MCF2L2: variants seen among roughly 807,000 people sequenced by gnomAD.
MCF2L2 encodes probable guanine nucleotide exchange factor MCF2L2.
In MCF2L2, 102 loss-of-function variants were observed where a neutral mutation model predicts 150.2. That is an observed-to-expected ratio of 0.68 (90% confidence interval 0.58 to 0.80). The LOEUF (loss-of-function observed/expected upper bound fraction) is 0.80, where lower values mean the gene tolerates loss of function less well. Ranked by LOEUF, MCF2L2 falls within the 30% of genes least tolerant of loss-of-function variation. The probability of loss-of-function intolerance (pLI) is 0.00; values close to 1 mark genes in which losing one functional copy is unlikely to be tolerated. For synonymous variants in MCF2L2, 465 were observed against 491.3 expected (o/e 0.95, Z 0.71); for missense variants, 1,256 against 1,372.8 (o/e 0.91, Z 1.34).
chr3:183,426,715 T>C (rs535007789), intron 1 of MCF2L2, among the ~76,000 whole-genome samples: 1 of 152,334 alleles, frequency 6.6e-6, no homozygotes, highest in South Asian at 2.1e-4. Context: ...TTTTTCCTCT[T>C]ATTTCACACT....
At chr3:183,206,244 A>G in intron 23 of MCF2L2, 30 bp from the exon 24 acceptor site, 1 of 1,488,882 alleles carries the variant, frequency 6.7e-7, no homozygotes, top group Middle Eastern at 1.7e-4. Context: ...GAAATGTTCT[A>G]TACCATCGTT....
chr3:183,383,481 C>G (rs941812959), intron 2 of MCF2L2, among the ~76,000 whole-genome samples: 8 of 152,066 alleles, frequency 5.3e-5, no homozygotes, highest in Admixed American at 4.6e-4. Context: ...GTGATCCGCC[C>G]ACCTCGGCCT....
chr3:183,335,099 C>G (rs9842803), intron 5 of MCF2L2, among the ~76,000 whole-genome samples: 4,515 of 143,140 alleles, frequency 0.032, 255 homozygotes, highest in African/African-American at 0.11. Context: ...GCCTGGGCAA[C>G]AGAGAGAGAC....
intron 3 of MCF2L2, among the ~76,000 whole-genome samples, chr3:183,364,352 TA>T (rs1192556559): frequency 2.0e-5 from 3 of 150,734 alleles, no homozygotes; most frequent in East Asian, 1.9e-4. Context: ...CCGTCGCTAC[TA>T]AAAATACAAA....
At chr3:183,408,960 G>T (rs1257683445) in intron 1 of MCF2L2, among the ~76,000 whole-genome samples, 1 of 152,208 alleles carries the variant, frequency 6.6e-6, no homozygotes, top group Non-Finnish European at 1.5e-5. Context: ...GATAATGGGA[G>T]GTTATAACTT....
At chr3:183,347,823 G>A (rs1211150992) in intron 3 of MCF2L2, among the ~76,000 whole-genome samples, 1 of 152,210 alleles carries the variant, frequency 6.6e-6, no homozygotes, top group Non-Finnish European at 1.5e-5. Context: ...CTGGTCATTA[G>A]ATAAATGCAA....
intron 9 of MCF2L2, 105 bp downstream of exon 9, chr3:183,310,810 G>T: frequency 1.4e-6 from 1 of 725,960 alleles, no homozygotes; most frequent in Non-Finnish European, 2.3e-6. Context: ...GGAGAAAGCT[G>T]GATTAGGGAA....
chr3:183,411,554 G>A (rs1188250167), intron 1 of MCF2L2, among the ~76,000 whole-genome samples: 1 of 151,054 alleles, frequency 6.6e-6, no homozygotes, highest in East Asian at 1.9e-4. Flanking sequence ...ATCTGGCAAA[G>A]ATTTTTAAAT....
intron 1 of MCF2L2, among the ~76,000 whole-genome samples, chr3:183,418,676 T>A (rs889332434): frequency 1.3e-5 from 2 of 152,172 alleles, no homozygotes; most frequent in Non-Finnish European, 2.9e-5. Context: ...AGGACAGTCA[T>A]TAAATATTAA....
rs1721509150 is a variant in MCF2L2, at chr3:183,181,261, G to A, written c.3017-1102C>T. 1.3e-5 allele frequency among the ~76,000 whole-genome samples: 2 copies of A among 152,122 alleles called. No homozygotes were observed. Among genetic ancestry groups the A allele is most frequent in the East Asian group, 1.9e-4 (1 of 5,152 alleles). On this transcript the variant is annotated intron_variant, in intron 27 of 29. Coordinates refer to ENST00000328913, the MANE Select transcript of MCF2L2 (RefSeq NM_015078.4). This position sits in a 1 kb window ranked among gnomAD's most constrained non-coding sequence, Gnocchi z 4.3. ...CTGCCCCAAGCCCCCAACAAGCCAC[G>A]TTCTGGGCCCCAGGCCCTCCCCAGA... is the stretch of plus-strand genomic sequence containing the variant.
At chr3:183,335,444 A>G (rs1239890084) in intron 5 of MCF2L2, among the ~76,000 whole-genome samples, 9 of 152,304 alleles carry the variant, frequency 5.9e-5, no homozygotes, top group South Asian at 2.1e-4. Context: ...TATGGTTTCA[A>G]TGTATGTTGC....
chr3:183,210,600 G>A (rs1722658381), intron 22 of MCF2L2, among the ~76,000 whole-genome samples: 1 of 152,194 alleles, frequency 6.6e-6, no homozygotes, highest in Admixed American at 6.5e-5. Context: ...TGGTCAGTGT[G>A]GAGGCTCAGC....
intron 27 of MCF2L2, among the ~76,000 whole-genome samples, chr3:183,182,850 G>A (rs1721578533): frequency 6.6e-6 from 1 of 152,172 alleles, no homozygotes. Context: ...GCCCCGCCAG[G>A]GATGGTAATT....
At chr3:183,335,196 A>G (rs949408211) in intron 5 of MCF2L2, among the ~76,000 whole-genome samples, 1 of 152,066 alleles carries the variant, frequency 6.6e-6, no homozygotes, top group African/African-American at 2.4e-5. Context: ...ATGAGATATG[A>G]TAACTAAATC....
intron 15 of MCF2L2, among the ~76,000 whole-genome samples, chr3:183,248,707 G>T (rs1045152472): frequency 6.6e-6 from 1 of 152,152 alleles, no homozygotes; most frequent in Non-Finnish European, 1.5e-5. Context: ...GCGTGATGGG[G>T]TGCACCTGTA....
intron 3 of MCF2L2, among the ~76,000 whole-genome samples, chr3:183,368,303 T>C (rs1312720354): frequency 6.6e-6 from 1 of 152,194 alleles, no homozygotes; most frequent in East Asian, 1.9e-4. Flanking sequence ...GAACCACTAA[T>C]CTAGACCACT....
At chr3:183,183,707 G>A (rs973984850) in intron 27 of MCF2L2, among the ~76,000 whole-genome samples, 1 of 152,146 alleles carries the variant, frequency 6.6e-6, no homozygotes, top group South Asian at 2.1e-4. Flanking sequence ...GTACATCATA[G>A]GAATTCAACA....
chr3:183,211,935 AAAGAGGGTCTTTGCAGATAC>A (rs1722738218), intron 22 of MCF2L2, among the ~76,000 whole-genome samples: 1 of 152,180 alleles, frequency 6.6e-6, no homozygotes, highest in African/African-American at 2.4e-5. Flanking sequence ...TCTTATTCGG[AAAGAGGGTCTTTGCAGATAC>A]AATTGGTTAA....
intron 6 of MCF2L2, among the ~76,000 whole-genome samples, chr3:183,320,135 C>G (rs1039546511): frequency 2.7e-5 from 4 of 150,898 alleles, no homozygotes; most frequent in African/African-American, 9.8e-5. Context: ...TCTTGTTGCC[C>G]AGGCTGGAGT....
Sources: gnomAD v4.1 joint callset for allele counts (sites outside exome capture counted in the v4.1 genomes callset) on GRCh38, gnomAD v4.1.1 for gene constraint, Gnocchi (gnomAD v3.1) non-coding constraint, MANE v1.5 for transcripts, NCBI Gene and HGNC (gene_info 2026-07-23, HGNC 2026-07-21) for gene names.